The following PCDH15 variants were observed in gnomAD, a reference collection of about 807,000 sequenced individuals.
PCDH15 encodes protocadherin related 15, also known as protocadherin-15.
PCDH15 carries 129 observed loss-of-function variants against 178.5 expected under a neutral mutation model. The observed-to-expected ratio is 0.72, with a 90% CI of 0.63 to 0.84. PCDH15 has a LOEUF of 0.84. Among genes scored for constraint, PCDH15 ranks in the 40% least tolerant of loss-of-function variants. The pLI is 0.00. For missense variants in PCDH15, 2,230 were observed against 2,099.9 expected (o/e 1.06, Z -1.21); for synonymous variants, 800 against 732.0 (o/e 1.09, Z -1.50).
intron 21 of PCDH15, among the ~76,000 whole-genome samples, chr10:53,962,480 T>C (rs2134310858): frequency 6.6e-6 from 1 of 152,352 alleles, no homozygotes; most frequent in East Asian, 1.9e-4. Context: ...TAGGTATTTC[T>C]ATACATCATT....
chr10:55,392,820 G>A (rs930017707), intron 2 of PCDH15, among the ~76,000 whole-genome samples: 1 of 151,970 alleles, frequency 6.6e-6, no homozygotes, highest in Non-Finnish European at 1.5e-5. Context: ...ATAAATAACA[G>A]AAACTGAAAC....
intron 16 of PCDH15, among the ~76,000 whole-genome samples, chr10:54,084,971 T>C (rs1433528907): frequency 6.6e-6 from 1 of 152,118 alleles, no homozygotes; most frequent in Non-Finnish European, 1.5e-5. Context: ...TGGCATTTCA[T>C]ATTAAATAGC....
In PCDH15 at chr10:54,883,665, C is replaced by G. The variant is rs145727874; in HGVS notation, c.-29+13785G>C. 2.7e-3 allele frequency among the ~76,000 whole-genome samples: 414 copies of G among 151,968 alleles called. 2 individuals are homozygous for G. Among genetic ancestry groups the G allele is most frequent in the African/African-American group, 9.5e-3 (394 of 41,528 alleles). On this transcript the variant is annotated intron_variant, in intron 3 of 5. Coordinates refer to the PCDH15 transcript ENST00000458638. Reference sequence around the variant, plus strand: ...AGATTCCAGCAGTTTTATGTGCTATCAAACTTCATTACACTATAGAAATTC... The same window carrying G: ...AGATTCCAGCAGTTTTATGTGCTATGAAACTTCATTACACTATAGAAATTC...
chr10:55,460,949 C>A (rs1225211234), intron 2 of PCDH15, among the ~76,000 whole-genome samples: 1 of 152,064 alleles, frequency 6.6e-6, no homozygotes, highest in Non-Finnish European at 1.5e-5. Context: ...CAATAAGTCC[C>A]CACTGCTGAA....
chr10:53,996,729 A>G (rs909941407), intron 20 of PCDH15, among the ~76,000 whole-genome samples: 1 of 152,158 alleles, frequency 6.6e-6, no homozygotes, highest in African/African-American at 2.4e-5. Flanking sequence ...TTGTCAATAA[A>G]TAATGCTTAT....
intron 2 of PCDH15, among the ~76,000 whole-genome samples, chr10:55,347,097 C>T (rs535052346): frequency 1.9e-4 from 29 of 152,074 alleles, no homozygotes; most frequent in Non-Finnish European, 8.8e-5. Context: ...TACCTGTAGT[C>T]CCAGCTACTT....
At chr10:55,271,805 G>A (rs1172401533) in intron 1 of PCDH15, among the ~76,000 whole-genome samples, 1 of 151,976 alleles carries the variant, frequency 6.6e-6, no homozygotes, top group African/African-American at 2.4e-5. Context: ...GCAGCTTCCC[G>A]AAACTGACCT....
chr10:54,486,819 C>T (rs2079142913), intron 3 of PCDH15, among the ~76,000 whole-genome samples: 2 of 151,932 alleles, frequency 1.3e-5, no homozygotes, highest in Admixed American at 6.6e-5. Flanking sequence ...GGGGCTTGCC[C>T]TTTTCTTCTT....
intron 32 of PCDH15, among the ~76,000 whole-genome samples, chr10:53,824,717 T>TTTTTGTAAACAAAC (rs1245049018): frequency 6.6e-6 from 1 of 152,098 alleles, no homozygotes; most frequent in Non-Finnish European, 1.5e-5. Context: ...ATACTGGTTG[T>TTTTTGTAAACAAAC]TTTTGTAAAC....
chr10:55,091,572 C>A (rs773256791), intron 2 of PCDH15, among the ~76,000 whole-genome samples: 25 of 152,044 alleles, frequency 1.6e-4, no homozygotes, highest in Non-Finnish European at 3.2e-4. Context: ...AAAACAACTT[C>A]ATCTCTAATG....
chr10:54,012,918 C>A (rs974614629), intron 20 of PCDH15, among the ~76,000 whole-genome samples: 25 of 151,952 alleles, frequency 1.6e-4, no homozygotes, highest in Non-Finnish European at 3.2e-4. Flanking sequence ...CAAATTCACA[C>A]ACATCAATAT....
chr10:54,408,129 T>A (rs1185918574), intron 3 of PCDH15, among the ~76,000 whole-genome samples: 4 of 151,344 alleles, frequency 2.6e-5, no homozygotes, highest in African/African-American at 9.7e-5. Context: ...CTAGGAGTTT[T>A]CTTCACTATA....
chr10:54,904,705 G>C (rs1482596271), intron 2 of PCDH15, among the ~76,000 whole-genome samples: 1 of 151,688 alleles, frequency 6.6e-6, no homozygotes, highest in African/African-American at 2.4e-5. Context: ...TCAGGCAAAT[G>C]AACAAACAAA....
intron 2 of PCDH15, among the ~76,000 whole-genome samples, chr10:55,578,806 T>C (rs1445008927): frequency 6.6e-6 from 1 of 152,084 alleles, no homozygotes; most frequent in Non-Finnish European, 1.5e-5. Context: ...AAAGATAGTG[T>C]GCAGGGGAAT....
chr10:53,976,628 C>T (rs1414309370), intron 21 of PCDH15, among the ~76,000 whole-genome samples: 1 of 152,084 alleles, frequency 6.6e-6, no homozygotes, highest in Non-Finnish European at 1.5e-5. Context: ...AATTATGTTA[C>T]ATATTTACTT....
At chr10:55,235,646 C>A (rs1473829235) in intron 1 of PCDH15, among the ~76,000 whole-genome samples, 2 of 152,004 alleles carry the variant, frequency 1.3e-5, no homozygotes, top group African/African-American at 2.4e-5. Context: ...GTGGCTCAGG[C>A]CTGTAATCCC....
chr10:55,371,815 A>G (rs1475433323), intron 2 of PCDH15, among the ~76,000 whole-genome samples: 1 of 152,118 alleles, frequency 6.6e-6, no homozygotes. Context: ...ATACAAACAG[A>G]TATGTAGTTT....
intron 3 of PCDH15, among the ~76,000 whole-genome samples, chr10:54,865,946 C>G (rs921283370): frequency 1.3e-5 from 2 of 152,044 alleles, no homozygotes; most frequent in African/African-American, 4.8e-5. Flanking sequence ...ATATATATCT[C>G]TAATGAAACA....
At chr10:54,494,704 T>G (rs2079945640) in intron 3 of PCDH15, among the ~76,000 whole-genome samples, 1 of 152,144 alleles carries the variant, frequency 6.6e-6, no homozygotes, top group Non-Finnish European at 1.5e-5. Flanking sequence ...TGGTCATAGT[T>G]TTTTTCTCTA....
Sources: allele counts gnomAD v4.1 joint callset (sites outside exome capture counted in the v4.1 genomes callset), GRCh38; gene constraint gnomAD v4.1.1; transcripts MANE v1.5; gene names NCBI Gene and HGNC (gene_info 2026-07-23, HGNC 2026-07-21).